CFAP161: variants seen among roughly 807,000 people sequenced by gnomAD.
CFAP161 encodes cilia and flagella associated protein 161.
In CFAP161, 25 loss-of-function variants were observed where a neutral mutation model predicts 29.0. That is an observed-to-expected ratio of 0.86 (90% CI 0.63 to 1.20). CFAP161 has a LOEUF of 1.20. CFAP161 is among the 50% of genes most tolerant of loss of function. The pLI is 0.00. For missense variants in CFAP161, 367 were observed against 371.9 expected (o/e 0.99, Z 0.11); for synonymous variants, 116 against 137.4 (o/e 0.84, Z 1.09).
At chr15:81,131,873 A>G (rs923526228), upstream of CFAP161, among the ~76,000 whole-genome samples, 1 of 152,210 alleles carries the variant, frequency 6.6e-6, no homozygotes, top group Non-Finnish European at 1.5e-5. Context: ...TCAATATCCA[A>G]ATATATCTAG....
rs1401212181 is a variant in CFAP161, at chr15:81,148,490, A to G, written c.863A>G (p.Asp288Gly). 1 of 1,614,162 alleles carries G rather than the reference A, an allele frequency of 6.2e-7. No individual in the cohort carries two copies. The highest frequency in any genetic ancestry group is 2.2e-5 in the East Asian group (1 of 44,878). Residue 288 changes from aspartate to glycine, a missense_variant, in exon 7 of 7, where the codon GAC (aspartate) becomes GGC (glycine). Physicochemically the swap from Asp to Gly is moderately conservative, Grantham distance 94. Transcript: ENST00000286732. ...MLDLPKPPTE[D>G]TRAMEQAMGL... is the part of the protein sequence containing the mutation. ...GATCTGCCCAAACCACCCACAGAGG[A>G]CACTCGAGCCATGGAGCAGGCCATG...
upstream of CFAP161, among the ~76,000 whole-genome samples, chr15:81,132,917 A>G (rs1894730626): frequency 6.6e-6 from 1 of 152,082 alleles, no homozygotes; most frequent in Non-Finnish European, 1.5e-5. Context: ...AGTTAGTGGT[A>G]TACTATCTGA....
rs750152525 is a variant in CFAP161, at chr15:81,148,350, A to G, written c.723A>G (p.Gly241=). 37 of 1,609,828 alleles carry G rather than the reference A, an allele frequency of 2.3e-5. No homozygotes were observed. Among genetic ancestry groups the G allele is most frequent in the Non-Finnish European group, 1.7e-6 (2 of 1,176,500 alleles). Residue 241 remains glycine, a synonymous_variant, in exon 7 of 7, where the codon GGA becomes GGG. Transcript: ENST00000286732. ...HRHLFLSTYF[G]KEAEVVAHTY... is the part of the protein sequence containing the mutation. ...TCTCTTGCTCCAGCACCTATTTTGG[A>G]AAGGAGGCTGAGGTTGTAGCTCACA...
At chr15:81,100,300 C>A (rs1458251183) in intron 1 of CFAP161, among the ~76,000 whole-genome samples, 1 of 147,622 alleles carries the variant, frequency 6.8e-6, no homozygotes, top group African/African-American at 2.4e-5. Flanking sequence ...GATTATCTGT[C>A]CTACTGTAAT....
At chr15:81,134,877 C>T (rs116139402) in intron 1 of CFAP161, among the ~76,000 whole-genome samples, 1,597 of 152,282 alleles carry the variant, frequency 0.01, 25 homozygotes, top group African/African-American at 0.037. Flanking sequence ...GCCTCGTATT[C>T]TCCCAAGGGT....
At chr15:81,146,831 A>AATATATATATATATAT (rs3086710) in intron 5 of CFAP161, among the ~76,000 whole-genome samples, 3 of 70,560 alleles carry the variant, frequency 4.3e-5, no homozygotes, top group Non-Finnish European at 1.1e-4. Context: ...GATAGCTACA[A>AATATATATATATATAT]ATATATATAT....
intron 1 of CFAP161, among the ~76,000 whole-genome samples, chr15:81,115,557 A>G (rs1444532758): frequency 6.7e-6 from 1 of 150,322 alleles, no homozygotes; most frequent in African/African-American, 2.4e-5. Context: ...ATTATTTCGT[A>G]CTTCTGAAGA....
chr15:81,107,725 CAAAT>C (rs896768663), intron 1 of CFAP161, among the ~76,000 whole-genome samples: 1 of 151,640 alleles, frequency 6.6e-6, no homozygotes, highest in African/African-American at 2.4e-5. Context: ...AACTCAGTCT[CAAAT>C]AAATAAAATA....
rs780944441 is a variant in CFAP161, at chr15:81,148,384, G to C, written c.757G>C (p.Asp253His). The change falls in exon 7 of 7, where the codon GAT becomes CAT. Residue 253 changes from aspartate (D) to histidine (H), a missense_variant. Asp to His is a moderately conservative substitution (Grantham distance 81). Transcript: ENST00000286732. ...EAEVVAHTYL[D>H]SHRVEKPRNH... ...TGAGGTTGTAGCTCACACATACCTGGATTCACATAGAGTTGAGAAACCAAG... is the reference window on the plus strand; with the variant it reads ...TGAGGTTGTAGCTCACACATACCTGCATTCACATAGAGTTGAGAAACCAAG... 2.5e-5 allele frequency: 40 copies of C among 1,614,058 alleles called. No homozygotes were observed. Among genetic ancestry groups the C allele is most frequent in the Non-Finnish European group, 3.0e-5 (35 of 1,180,032 alleles).
upstream of CFAP161, among the ~76,000 whole-genome samples, chr15:81,133,216 TATATATATGTA>T (rs1342939424): frequency 0.037 from 1,359 of 36,536 alleles, 80 homozygotes; most frequent in Non-Finnish European, 0.042. Context: ...TATATATATA[TATATATATGTA>T]TTTTTTTTTA....
At chr15:81,119,512 CTTTATA>C (rs1392694641) in intron 1 of CFAP161, among the ~76,000 whole-genome samples, 3 of 151,872 alleles carry the variant, frequency 2.0e-5, no homozygotes, top group Admixed American at 2.0e-4. Flanking sequence ...ATTTTTGAAA[CTTTATA>C]TTAATAGCAT....
At chr15:81,104,253 C>A (rs931126007) in intron 1 of CFAP161, among the ~76,000 whole-genome samples, 1 of 152,202 alleles carries the variant, frequency 6.6e-6, no homozygotes, top group Non-Finnish European at 1.5e-5. Flanking sequence ...CTGGTTCAGT[C>A]AAATGCTGCC....
intron 1 of CFAP161, among the ~76,000 whole-genome samples, chr15:81,115,475 G>A (rs1894486040): frequency 6.6e-6 from 1 of 152,054 alleles, no homozygotes; most frequent in South Asian, 2.1e-4. Context: ...TGGAGGAAGT[G>A]GCTTTAAGTC....
upstream of CFAP161, among the ~76,000 whole-genome samples, chr15:81,133,073 G>T (rs1413886647): frequency 6.6e-6 from 1 of 150,548 alleles, no homozygotes; most frequent in African/African-American, 2.4e-5. Context: ...TCCCAGTTCA[G>T]CTCCAAAGCA....
At chr15:81,107,916 T>G (rs1250123381) in intron 1 of CFAP161, among the ~76,000 whole-genome samples, 1 of 151,052 alleles carries the variant, frequency 6.6e-6, no homozygotes, top group Non-Finnish European at 1.5e-5. Context: ...CCTCCCCTCT[T>G]ATCACATTTT....
chr15:81,141,984 T>A (rs1172775135), intron 4 of CFAP161, among the ~76,000 whole-genome samples: 2 of 152,154 alleles, frequency 1.3e-5, no homozygotes, highest in Non-Finnish European at 2.9e-5. Context: ...GTACCTGGCC[T>A]TATTTGCCTT....
intron 1 of CFAP161, among the ~76,000 whole-genome samples, chr15:81,114,727 G>C (rs564676550): frequency 6.6e-6 from 1 of 152,108 alleles, no homozygotes; most frequent in Non-Finnish European, 1.5e-5. Flanking sequence ...GCAGTGGCGC[G>C]ATCTCGGCTC....
upstream of CFAP161, among the ~76,000 whole-genome samples, chr15:81,133,227 A>ATTTT (rs111496841): frequency 2.0e-4 from 10 of 50,392 alleles, no homozygotes; most frequent in East Asian, 5.6e-4. Context: ...ATATATATGT[A>ATTTT]TTTTTTTTTA....
chr15:81,143,125 A>G (rs1448566967), intron 4 of CFAP161, among the ~76,000 whole-genome samples: 1 of 151,828 alleles, frequency 6.6e-6, no homozygotes, highest in Non-Finnish European at 1.5e-5. Context: ...CCAGCTTGGG[A>G]AACAGTGGGA....
Sources: gnomAD v4.1 joint callset for allele counts (sites outside exome capture counted in the v4.1 genomes callset) on GRCh38, gnomAD v4.1.1 for gene constraint, MANE v1.5 for transcripts, NCBI Gene and HGNC (gene_info 2026-07-23, HGNC 2026-07-21) for gene names.